Variants in COX10 observed in about 807,000 individuals in gnomAD.
The protein encoded by COX10 is cytochrome c oxidase assembly factor heme A:farnesyltransferase COX10.
Under a neutral mutation model 37.3 loss-of-function variants are expected in COX10, and 27 were observed. The observed-to-expected ratio is 0.72, with a 90% confidence interval of 0.53 to 1.00. The LOEUF (loss-of-function observed/expected upper bound fraction) is 1.00, where lower values mean the gene tolerates loss of function less well. Ranked by LOEUF, COX10 falls within the 50% of genes least tolerant of loss-of-function variation. The pLI is 0.00. For missense variants in COX10, 475 were observed against 563.2 expected, an observed-to-expected ratio of 0.84 and a Z score of 1.59; for synonymous variants, 222 against 229.1, an observed-to-expected ratio of 0.97 and a Z score of 0.28.
In COX10 at chr17:14,207,676, C is replaced by G. The variant is rs965399188; in HGVS notation, c.*463C>G. On this transcript the variant is annotated 3_prime_UTR_variant, in exon 7 of 7. Transcript: ENST00000261643. ...GTCCCTCAAAGGCCTCGGAGCACCC[C>G]CTTCCTGGTGACTGAGCCAGGGCCT... 4 of 156,448 alleles carry G rather than the reference C, an allele frequency of 2.6e-5. No individual in the cohort carries two copies. Among genetic ancestry groups the G allele is most frequent in the African/African-American group, 7.2e-5 (3 of 41,478 alleles). 9.7% of individuals were successfully genotyped at this position (156,448 alleles called of 1,614,324 possible). A position where few individuals can be genotyped will look rare whatever the true frequency, so the allele number is the denominator to read the frequency against.
intron 6 of COX10, among the ~76,000 whole-genome samples, chr17:14,192,938 A>T (rs1479847463): frequency 1.3e-5 from 2 of 152,088 alleles, no homozygotes; most frequent in African/African-American, 4.8e-5. Flanking sequence ...AAGGCAGTTG[A>T]CCATAAACCG....
chr17:14,136,050 C>G (rs900766593), intron 4 of COX10, among the ~76,000 whole-genome samples: 3 of 151,864 alleles, frequency 2.0e-5, no homozygotes, highest in Non-Finnish European at 4.4e-5. Flanking sequence ...ACATTGGCAT[C>G]AAACAAAACA....
intron 5 of COX10, among the ~76,000 whole-genome samples, chr17:14,185,747 CCCTT>C (rs1235656774): frequency 4.5e-5 from 4 of 88,846 alleles, no homozygotes; most frequent in Admixed American, 1.2e-4. Context: ...CTCTAGTTAC[CCCTT>C]TATTTAACTT....
At chr17:14,086,972 A>G (rs1915422023) in intron 3 of COX10, among the ~76,000 whole-genome samples, 1 of 152,144 alleles carries the variant, frequency 6.6e-6, no homozygotes, top group South Asian at 2.1e-4. Flanking sequence ...ATTACATCTC[A>G]TGACTTTTAA....
intron 3 of COX10, among the ~76,000 whole-genome samples, chr17:14,097,438 C>T (rs2142196822): frequency 6.6e-6 from 1 of 151,938 alleles, no homozygotes; most frequent in African/African-American, 2.4e-5. Flanking sequence ...GTAGTATTTC[C>T]ATTTTGTAAA....
At chr17:14,083,608 G>A (rs1423983514) in intron 3 of COX10, among the ~76,000 whole-genome samples, 1 of 152,230 alleles carries the variant, frequency 6.6e-6, no homozygotes, top group Non-Finnish European at 1.5e-5. Context: ...TTAGTGGGTA[G>A]CAGCAGCCTG....
At chr17:14,193,711 C>T (rs1237932390) in intron 6 of COX10, among the ~76,000 whole-genome samples, 1 of 148,496 alleles carries the variant, frequency 6.7e-6, no homozygotes, top group African/African-American at 2.4e-5. Flanking sequence ...ACCTGCACAC[C>T]ACCAGCCCTC....
At chr17:14,148,857 G>A (rs1428029997) in intron 4 of COX10, among the ~76,000 whole-genome samples, 2 of 150,586 alleles carry the variant, frequency 1.3e-5, no homozygotes, top group Non-Finnish European at 3.0e-5. Flanking sequence ...ATTAATAAGT[G>A]TATTTTGTAT....
chr17:14,146,129 A>G (rs187221971), intron 4 of COX10, among the ~76,000 whole-genome samples: 1 of 152,250 alleles, frequency 6.6e-6, no homozygotes, highest in African/African-American at 2.4e-5. Flanking sequence ...TAAAATTTAT[A>G]TGGAACCACA....
chr17:14,168,546 C>G (rs1171342456), intron 5 of COX10, among the ~76,000 whole-genome samples: 1 of 152,228 alleles, frequency 6.6e-6, no homozygotes, highest in Non-Finnish European at 1.5e-5. Flanking sequence ...AGACTTCTGC[C>G]TAGACATCCA....
Position 14,207,158 on chromosome 17 carries a change from T to C in COX10, c.1277T>C (p.Met426Thr). 1.2e-6 allele frequency: 2 copies of C among 1,612,542 alleles called. No homozygotes were observed. The highest frequency in any genetic ancestry group is 1.7e-5 in the Admixed American group (1 of 60,024). Residue 426 changes from methionine (M) to threonine (T), a missense_variant, in exon 7 of 7, where the codon ATG becomes ACG. Met to Thr is a moderately conservative substitution (Grantham distance 81, BLOSUM62 -1). Around this residue, in one of 5 missense-constraint regions of COX10, gnomAD observed 160 missense variants for 180.6 expected, o/e 0.89. Coordinates refer to ENST00000261643, the MANE Select transcript of COX10 (RefSeq NM_001303.4). ...CACCTGCCGCTGCTGCTGCTGCTCA[T>C]GCTCACCTGCAAGCGGCCGAGCGGA... Reference protein sequence around the residue: ...LWHLPLLLLLMLTCKRPSGGG... With the variant: ...LWHLPLLLLLTLTCKRPSGGG...
chr17:14,182,886 A>G (rs1217349392), intron 5 of COX10, among the ~76,000 whole-genome samples: 2 of 151,680 alleles, frequency 1.3e-5, no homozygotes, highest in Non-Finnish European at 2.9e-5. Context: ...AAGTTATTTA[A>G]AAGTCAGGTA....
At chr17:14,078,580 A>G (rs1261198613) in intron 3 of COX10, among the ~76,000 whole-genome samples, 1 of 151,950 alleles carries the variant, frequency 6.6e-6, no homozygotes, top group Non-Finnish European at 1.5e-5. Context: ...TCCCATCCTC[A>G]TTTCTGAAGC....
At chr17:14,174,880 A>G (rs1905608835) in intron 5 of COX10, among the ~76,000 whole-genome samples, 1 of 151,138 alleles carries the variant, frequency 6.6e-6, no homozygotes, top group Non-Finnish European at 1.5e-5. Flanking sequence ...GAATAGATAA[A>G]CAAAATACGG....
intron 5 of COX10, among the ~76,000 whole-genome samples, chr17:14,169,419 G>A (rs1267185045): frequency 1.3e-5 from 2 of 152,062 alleles, no homozygotes; most frequent in Non-Finnish European, 2.9e-5. Flanking sequence ...TCCAAGCCCT[G>A]CCCATTACCC....
At chr17:14,071,308 T>C (rs1915016723) in intron 1 of COX10, among the ~76,000 whole-genome samples, 1 of 152,134 alleles carries the variant, frequency 6.6e-6, no homozygotes, top group Non-Finnish European at 1.5e-5. Context: ...ATGTGGCCCA[T>C]ATGGTTTGTT....
At chr17:14,165,960 TGA>T (rs1353515458) in intron 5 of COX10, among the ~76,000 whole-genome samples, 3 of 152,206 alleles carry the variant, frequency 2.0e-5, no homozygotes, top group Non-Finnish European at 2.9e-5. Flanking sequence ...TTATGAAGGC[TGA>T]GAGAGGTGAG....
chr17:14,153,760 A>G (rs1464589341), intron 4 of COX10, among the ~76,000 whole-genome samples: 1 of 152,252 alleles, frequency 6.6e-6, no homozygotes, highest in African/African-American at 2.4e-5. Context: ...TTGAGAGTGA[A>G]AAGCATATGT....
intron 5 of COX10, among the ~76,000 whole-genome samples, chr17:14,174,508 A>G (rs1490739020): frequency 6.6e-6 from 1 of 151,984 alleles, no homozygotes; most frequent in East Asian, 1.9e-4. Flanking sequence ...CCCTACTCCA[A>G]AGAAGAAATA....
Sources: gnomAD v4.1 joint callset for allele counts (sites outside exome capture counted in the v4.1 genomes callset) on GRCh38, gnomAD v4.1.1 for gene constraint, gnomAD v4.1.1 regional missense constraint, MANE v1.5 for transcripts, NCBI Gene and HGNC (gene_info 2026-07-23, HGNC 2026-07-21) for gene names.